SP3: variants seen among roughly 807,000 people sequenced by gnomAD.
SP3 encodes Sp3 transcription factor, also known as transcription factor Sp3.
In SP3, 10 loss-of-function variants were observed where a neutral mutation model predicts 70.3. The ratio of observed to expected loss-of-function variants is 0.14; its 90% CI spans 0.09 to 0.24. The LOEUF (loss-of-function observed/expected upper bound fraction) is 0.24, where lower values mean the gene tolerates loss of function less well. SP3 is among the 10% of genes least tolerant of loss of function. The pLI, the probability that SP3 is intolerant of heterozygous loss-of-function variation, is 1.00. For synonymous variants in SP3, 402 were observed against 333.5 expected (o/e 1.21, Z -2.24); for missense variants, 825 against 914.6 (o/e 0.90, Z 1.26).
intron 4 of SP3, among the ~76,000 whole-genome samples, chr2:173,950,182 G>A (rs1027706433): frequency 1.3e-5 from 2 of 151,904 alleles, no homozygotes; most frequent in Admixed American, 1.3e-4. Flanking sequence ...ATAAGGAGTA[G>A]TAAAAGTACC....
intron 2 of SP3, 42 bp from the exon 3 acceptor site, chr2:173,963,925 G>T (rs754620797): frequency 7.3e-6 from 10 of 1,378,726 alleles, no homozygotes; most frequent in Non-Finnish European, 8.6e-6. Flanking sequence ...ACAGGGGGAG[G>T]GGGTGGCGGT....
intron 5 of SP3, among the ~76,000 whole-genome samples, chr2:173,917,196 C>T (rs937592682): frequency 3.9e-5 from 6 of 152,068 alleles, no homozygotes; most frequent in African/African-American, 1.4e-4. Flanking sequence ...GGCCAGGCCT[C>T]CGTTAGATTT....
chr2:173,947,601 T>C (rs1320203935), intron 4 of SP3, among the ~76,000 whole-genome samples: 1 of 152,240 alleles, frequency 6.6e-6, no homozygotes, highest in Admixed American at 6.5e-5. Flanking sequence ...CTATAGATGC[T>C]ATTGCTTCTT....
chr2:173,910,236 G>A lies in SP3; in HGVS notation c.2051C>T (p.Pro684Leu). Residue 684 changes from proline to leucine, a missense_variant, in exon 7 of 7, where the codon CCA (proline) becomes CTA (leucine). This residue lies in a region of SP3 where 19 missense variants were observed against 99.4 expected (regional missense o/e 0.19). Transcript: ENST00000310015. ...THTGEKKFVC[P>L]ECSKRFMRSD... ...TCTCATAAAGCGTTTTGAACATTCT[G>A]GACAAACAAATTTCTTCTCACCTGT... The A allele has an allele frequency of 1.9e-6, 3 of 1,613,502 alleles. No homozygotes were observed. Among genetic ancestry groups the A allele is most frequent in the Non-Finnish European group, 2.5e-6 (3 of 1,179,684 alleles).
chr2:173,924,096 A>T (rs1040182203), intron 4 of SP3, among the ~76,000 whole-genome samples: 1 of 152,120 alleles, frequency 6.6e-6, no homozygotes, highest in Non-Finnish European at 1.5e-5. Flanking sequence ...TAATAATTTT[A>T]AAAATATAGA....
chr2:173,965,235 GGCGGCGGCGGGAGAGGATGCGGGAA>G lies in SP3; in HGVS notation c.-89_-65del, dbSNP rs1159165531. 30 of 1,536,450 alleles carry G rather than the reference GGCGGCGGCGGGAGAGGATGCGGGAA, an allele frequency of 2.0e-5. No individual in the cohort carries two copies. The highest frequency in any genetic ancestry group is 1.8e-4 in the Admixed American group (9 of 49,826). ...CTTACACATGGTGAGGAGCGAAGGCGGCGGCGGCGGGAGAGGATGCGGGAAGCGGCGGCGGACACGGCCGGAGCGG... is the reference window on the plus strand; with the variant it reads ...CTTACACATGGTGAGGAGCGAAGGCGGCGGCGGCGGACACGGCCGGAGCGG... On this transcript the variant is annotated 5_prime_UTR_variant, in exon 1 of 7. Transcript: ENST00000310015.
chr2:173,934,263 T>C (rs972341234), intron 4 of SP3, among the ~76,000 whole-genome samples: 4 of 151,818 alleles, frequency 2.6e-5, no homozygotes, highest in African/African-American at 9.7e-5. Context: ...AAACACTTAA[T>C]TGATTAGAAT....
chr2:173,910,703 C>A (rs1307425173), intron 6 of SP3, among the ~76,000 whole-genome samples: 1 of 152,132 alleles, frequency 6.6e-6, no homozygotes, highest in African/African-American at 2.4e-5. Context: ...ATTAAAGCAA[C>A]AGGGTACTTC....
chr2:173,912,853 T>G (rs1689526026), intron 6 of SP3, among the ~76,000 whole-genome samples: 1 of 152,152 alleles, frequency 6.6e-6, no homozygotes. Flanking sequence ...CCACCCAAAG[T>G]CTACTTAAAT....
In SP3 at chr2:173,918,751, T is replaced by C. The variant is rs771063245; in HGVS notation, c.1674A>G (p.Glu558=). ...IRIKEEEPDP[E]EWQLSGDSTL... ...TAGAATCACCACTGAGCTGCCACTC[T>C]TCAGGATCAGGTTCTTCTTCCTTGA... Residue 558 remains glutamate (E), a synonymous_variant, in exon 5 of 7, where the codon GAA becomes GAG. Transcript: ENST00000310015. 7.9e-5 allele frequency: 127 copies of C among 1,613,210 alleles called. No homozygotes were observed. Among genetic ancestry groups the C allele is most frequent in the Non-Finnish European group, 1.0e-4 (120 of 1,179,516 alleles).
chr2:173,938,459 C>CAAAAA (rs747595137), intron 4 of SP3, among the ~76,000 whole-genome samples: 513 of 46,354 alleles, frequency 0.011, 7 homozygotes, highest in Admixed American at 0.037. Context: ...AACTTTGCCT[C>CAAAAA]AAAAAAAAAA....
Position 173,930,651 on chromosome 2 carries a change from C to T in SP3, c.1640-11866G>A, listed in dbSNP as rs117790353. 6.5e-3 allele frequency among the ~76,000 whole-genome samples: 986 copies of T among 152,298 alleles called. 17 individuals carry two copies. Among genetic ancestry groups the T allele is most frequent in the East Asian group, 0.037 (193 of 5,184 alleles). Reference sequence around the variant, plus strand: ...ATTACTTGCCTTCCAAGTTACTGCACGTTAAGTTTTATATAATAATATTGT... The same window carrying T: ...ATTACTTGCCTTCCAAGTTACTGCATGTTAAGTTTTATATAATAATATTGT... On this transcript the variant is annotated intron_variant, in intron 4 of 6. Transcript: ENST00000310015.
intron 4 of SP3, among the ~76,000 whole-genome samples, chr2:173,929,616 C>A (rs527768397): frequency 6.6e-6 from 1 of 152,200 alleles, no homozygotes; most frequent in Non-Finnish European, 1.5e-5. Context: ...TGCAAGGGCT[C>A]TCTGTCCTGG....
At chr2:173,963,910 G>A in intron 2 of SP3, 27 bp from the exon 3 acceptor site, 7 of 1,427,956 alleles carry the variant, frequency 4.9e-6, no homozygotes, top group Non-Finnish European at 6.5e-6. Context: ...GGTTCAGAGA[G>A]GGAGACAGGG....
At chr2:173,927,095 C>G (rs933967043) in intron 4 of SP3, among the ~76,000 whole-genome samples, 3 of 151,912 alleles carry the variant, frequency 2.0e-5, no homozygotes, top group African/African-American at 7.3e-5. Flanking sequence ...GTGCCACACA[C>G]ACTTAACTAG....
chr2:173,964,707 T>TCCC, intron 1 of SP3, 154 bp from the exon 2 acceptor site: 1 of 270,510 alleles, frequency 3.7e-6, no homozygotes, highest in Non-Finnish European at 6.4e-6. Flanking sequence ...CGGCGGCGGC[T>TCCC]CCCTCCTCCC....
chr2:173,947,335 T>C (rs1433124753), intron 4 of SP3, among the ~76,000 whole-genome samples: 1 of 152,212 alleles, frequency 6.6e-6, no homozygotes, highest in East Asian at 1.9e-4. Context: ...TGTGGTATTC[T>C]GGGTAAATTC....
chr2:173,928,172 T>C (rs562703797), intron 4 of SP3, among the ~76,000 whole-genome samples: 2 of 152,204 alleles, frequency 1.3e-5, no homozygotes, highest in Admixed American at 6.5e-5. Flanking sequence ...TTAAATAAAT[T>C]AGGACTAAAG....
chr2:173,924,989 A>T (rs1247270580), intron 4 of SP3, among the ~76,000 whole-genome samples: 1 of 152,064 alleles, frequency 6.6e-6, no homozygotes, highest in African/African-American at 2.4e-5. Flanking sequence ...CCAGGTTCAA[A>T]CTATTCTCCT....
Sources: allele counts gnomAD v4.1 joint callset (sites outside exome capture counted in the v4.1 genomes callset), GRCh38; gene constraint gnomAD v4.1.1; regional missense constraint gnomAD v4.1.1; transcripts MANE v1.5; gene names NCBI Gene and HGNC (gene_info 2026-07-23, HGNC 2026-07-21).